Variants in HDAC9 observed in about 807,000 individuals in gnomAD.
HDAC9 encodes the protein MEF-2 interacting transcription repressor (MITR) protein.
A neutral mutation model predicts 139.4 loss-of-function variants in HDAC9; 41 were observed. The observed-to-expected ratio is 0.29, with a 90% CI of 0.23 to 0.38. HDAC9 has a LOEUF of 0.38. Among genes scored for constraint, HDAC9 ranks in the 10% least tolerant of loss-of-function variants. HDAC9 has a pLI of 1.00. For missense variants in HDAC9, 1,147 were observed against 1,297.0 expected (o/e 0.88, Z 1.78); for synonymous variants, 517 against 476.2 (o/e 1.09, Z -1.12).
chr7:18,807,379 G>A (rs989398009), intron 17 of HDAC9, among the ~76,000 whole-genome samples: 1 of 151,870 alleles, frequency 6.6e-6, no homozygotes, highest in African/African-American at 2.4e-5. Context: ...CATTCATCTT[G>A]TCTGAAACCA....
chr7:18,689,807 A>G (rs1036814535), intron 12 of HDAC9, among the ~76,000 whole-genome samples: 1 of 152,080 alleles, frequency 6.6e-6, no homozygotes, highest in South Asian at 2.1e-4. Context: ...GTTGGCTTAA[A>G]ATAAGCATTT....
chr7:18,225,882 A>C (rs1208181269), intron 2 of HDAC9, among the ~76,000 whole-genome samples: 1 of 152,184 alleles, frequency 6.6e-6, no homozygotes, highest in African/African-American at 2.4e-5. Context: ...AATCTTATAA[A>C]ATTTATTAAG....
chr7:18,414,836 C>G (rs563773072), intron 1 of HDAC9, among the ~76,000 whole-genome samples: 12 of 152,286 alleles, frequency 7.9e-5, no homozygotes, highest in Admixed American at 2.0e-4. Context: ...AATGGGGAAG[C>G]AGAGGATGTT....
At chr7:18,563,024 T>C (rs1335849171) in intron 2 of HDAC9, among the ~76,000 whole-genome samples, 1 of 152,102 alleles carries the variant, frequency 6.6e-6, no homozygotes, top group Non-Finnish European at 1.5e-5. Context: ...TATTGATTAG[T>C]TATTTATTTT....
chr7:18,204,739 A>T (rs1292176975), intron 2 of HDAC9, among the ~76,000 whole-genome samples: 1 of 151,036 alleles, frequency 6.6e-6, no homozygotes, highest in African/African-American at 2.4e-5. Flanking sequence ...TTTCTTCTTG[A>T]TTTTCTGTTT....
At chr7:18,374,269 T>G (rs1469737080) in intron 1 of HDAC9, among the ~76,000 whole-genome samples, 4 of 151,848 alleles carry the variant, frequency 2.6e-5, no homozygotes, top group Non-Finnish European at 5.9e-5. Context: ...ATATGTAGTG[T>G]AGGTGTAGGT....
intron 2 of HDAC9, among the ~76,000 whole-genome samples, chr7:18,270,931 A>G (rs990563954): frequency 6.6e-6 from 1 of 152,168 alleles, no homozygotes; most frequent in African/African-American, 2.4e-5. Flanking sequence ...TTATTATTCG[A>G]TTCTGTGTAA....
intron 23 of HDAC9, among the ~76,000 whole-genome samples, chr7:18,940,164 A>G (rs1781926048): frequency 1.3e-5 from 2 of 152,196 alleles, no homozygotes; most frequent in Admixed American, 6.5e-5. Flanking sequence ...TTAGCTGTGC[A>G]TCTGTGTAGA....
At chr7:18,111,894 G>A (rs1330117358) in intron 1 of HDAC9, among the ~76,000 whole-genome samples, 6 of 152,170 alleles carry the variant, frequency 3.9e-5, no homozygotes, top group Non-Finnish European at 7.3e-5. Flanking sequence ...GTAGAGTGGT[G>A]TATGTACAAG....
chr7:18,717,239 A>G (rs1056503474), intron 12 of HDAC9, among the ~76,000 whole-genome samples: 11 of 152,094 alleles, frequency 7.2e-5, no homozygotes, highest in African/African-American at 2.7e-4. Context: ...GCTGGTGAGC[A>G]TACACCTGTT....
chr7:18,806,898 G>A (rs1308534735), intron 17 of HDAC9, among the ~76,000 whole-genome samples: 1 of 152,140 alleles, frequency 6.6e-6, no homozygotes, highest in Admixed American at 6.5e-5. Context: ...GTTCATCAGG[G>A]ATATTGGCCT....
intron 1 of HDAC9, chr7:18,152,010 G>A (rs1786816532): frequency 1.3e-5 from 2 of 152,090 alleles, no homozygotes; most frequent in Non-Finnish European, 2.9e-5. Context: ...GTCTCCTAAA[G>A]CTGTGCACCA....
At chr7:18,444,262 C>T (rs1015252058) in intron 1 of HDAC9, among the ~76,000 whole-genome samples, 13 of 146,908 alleles carry the variant, frequency 8.8e-5, no homozygotes, top group African/African-American at 3.3e-4. Context: ...TTGCTTGAAC[C>T]TGGGAGAAGG....
chr7:18,367,990 T>G (rs1784317236), intron 1 of HDAC9, among the ~76,000 whole-genome samples: 1 of 152,140 alleles, frequency 6.6e-6, no homozygotes, highest in Non-Finnish European at 1.5e-5. Context: ...TGGGAAATGC[T>G]TGCTTTGTCT....
chr7:18,827,444 T>C (rs1039269224), intron 17 of HDAC9, among the ~76,000 whole-genome samples: 21 of 152,150 alleles, frequency 1.4e-4, no homozygotes, highest in African/African-American at 4.6e-4. Context: ...AGAAAGTATC[T>C]AATGAATTAT....
intron 12 of HDAC9, among the ~76,000 whole-genome samples, chr7:18,685,807 T>C (rs1272953868): frequency 6.6e-6 from 1 of 151,982 alleles, no homozygotes; most frequent in African/African-American, 2.4e-5. Flanking sequence ...AGTCATAAAA[T>C]ATATGCAGAA....
At chr7:18,372,133 T>C (rs1367876173) in intron 1 of HDAC9, among the ~76,000 whole-genome samples, 1 of 152,224 alleles carries the variant, frequency 6.6e-6, no homozygotes, top group Non-Finnish European at 1.5e-5. Context: ...TGATTTGGTC[T>C]TTGACAAGGC....
intron 1 of HDAC9, among the ~76,000 whole-genome samples, chr7:18,369,287 TA>T (rs1479842833): frequency 2.0e-5 from 3 of 152,086 alleles, no homozygotes; most frequent in Admixed American, 6.6e-5. Context: ...GTTTTACACT[TA>T]AAAAATTCTT....
intron 13 of HDAC9, among the ~76,000 whole-genome samples, chr7:18,733,194 T>G (rs983021124): frequency 4.0e-5 from 6 of 148,738 alleles, no homozygotes; most frequent in Non-Finnish European, 7.5e-5. Context: ...TATACATATA[T>G]ACACGTGTAT....
Sources: allele counts gnomAD v4.1 joint callset (sites outside exome capture counted in the v4.1 genomes callset), GRCh38; gene constraint gnomAD v4.1.1; transcripts MANE v1.5; gene names NCBI Gene and HGNC (gene_info 2026-07-23, HGNC 2026-07-21).